TSHZ2: variants seen among roughly 807,000 people sequenced by gnomAD.
TSHZ2 encodes teashirt homolog 2.
TSHZ2 carries 21 observed loss-of-function variants against 74.4 expected under a neutral mutation model. The observed-to-expected ratio is 0.28, with a 90% CI of 0.20 to 0.41. The LOEUF is 0.41. TSHZ2 is among the 10% of genes least tolerant of loss of function. The pLI, the probability that TSHZ2 is intolerant of heterozygous loss-of-function variation, is 1.00. For missense variants in TSHZ2, 1,244 were observed against 1,293.5 expected (o/e 0.96, Z 0.59); for synonymous variants, 540 against 515.3 (o/e 1.05, Z -0.65).
At chr20:53,076,150 C>T (rs982344665) in intron 1 of TSHZ2, among the ~76,000 whole-genome samples, 2 of 152,128 alleles carry the variant, frequency 1.3e-5, no homozygotes, top group African/African-American at 4.8e-5. Context: ...ATTAATCTGG[C>T]AGTAGTTTAC....
Position 53,480,070 on chromosome 20 carries a change from T to TTG in TSHZ2, c.*9-7073_*9-7072insGT, listed in dbSNP as rs1491388965. Among the ~76,000 whole-genome samples the TTG allele has an allele frequency of 7.6e-4, 8 of 10,532 alleles. No homozygotes were observed. In the African/African-American group the frequency reaches 0.02, roughly 27 times the overall value. The allele number at this position is 10,532 out of a possible 152,430, so 6.9% of individuals were successfully genotyped here. On this transcript the variant is annotated intron_variant, in intron 2 of 2. Coordinates refer to ENST00000371497, the MANE Select transcript of TSHZ2 (RefSeq NM_173485.6). ...ATGGACAACATAACCCAGGTTTTTG[T>TTG]TTTTTTTTTTTTTTTGAGATGGAGT...
intron 1 of TSHZ2, among the ~76,000 whole-genome samples, chr20:53,000,636 G>A (rs574769986): frequency 1.3e-5 from 2 of 152,266 alleles, no homozygotes; most frequent in African/African-American, 4.8e-5. Context: ...ATAGAAATGG[G>A]ATAAACACTG....
At chr20:53,293,909 G>A (rs575331682) in intron 2 of TSHZ2, among the ~76,000 whole-genome samples, 11 of 151,940 alleles carry the variant, frequency 7.2e-5, no homozygotes, top group Non-Finnish European at 1.6e-4. Context: ...CCAGCTACTC[G>A]GGAGGCTGAG....
At chr20:53,262,355 C>T (rs1196504227) in intron 2 of TSHZ2, among the ~76,000 whole-genome samples, 1 of 152,122 alleles carries the variant, frequency 6.6e-6, no homozygotes, top group Non-Finnish European at 1.5e-5. Context: ...TTGACACTAA[C>T]TTGCCCTCTA....
At chr20:53,029,006 A>T (rs1003661969) in intron 1 of TSHZ2, among the ~76,000 whole-genome samples, 1 of 152,206 alleles carries the variant, frequency 6.6e-6, no homozygotes, top group African/African-American at 2.4e-5. Context: ...ATGCTTTTCT[A>T]ATTGGATACT....
At chr20:52,974,832 T>A (rs2122852501) in intron 1 of TSHZ2, among the ~76,000 whole-genome samples, 1 of 152,326 alleles carries the variant, frequency 6.6e-6, no homozygotes, top group South Asian at 2.1e-4. Context: ...GTAAGTTGGT[T>A]CAAGTGGCAT....
intron 1 of TSHZ2, among the ~76,000 whole-genome samples, chr20:53,106,870 G>A (rs1600693379): frequency 6.6e-6 from 1 of 151,788 alleles, no homozygotes; most frequent in East Asian, 1.9e-4. Context: ...GCTAATTTTT[G>A]TATTTTTAGT....
intron 1 of TSHZ2, among the ~76,000 whole-genome samples, chr20:52,990,350 G>A (rs529598895): frequency 1.3e-5 from 2 of 151,842 alleles, no homozygotes; most frequent in South Asian, 4.2e-4. Context: ...GCACATAGTA[G>A]GCACTTGAAA....
intron 1 of TSHZ2, among the ~76,000 whole-genome samples, chr20:53,195,735 T>C (rs1658412711): frequency 6.6e-6 from 1 of 152,172 alleles, no homozygotes; most frequent in Non-Finnish European, 1.5e-5. Flanking sequence ...AAGGATCTTT[T>C]CAAACTTTAA....
chr20:53,113,310 C>T (rs1986583426), intron 1 of TSHZ2, among the ~76,000 whole-genome samples: 1 of 152,140 alleles, frequency 6.6e-6, no homozygotes, highest in South Asian at 2.1e-4. Context: ...TCTTCTCTTT[C>T]TTTCTAGAAT....
chr20:53,372,033 G>T (rs911472369), intron 2 of TSHZ2, among the ~76,000 whole-genome samples: 7 of 152,092 alleles, frequency 4.6e-5, no homozygotes, highest in African/African-American at 1.7e-4. Context: ...CTCCTTCTCT[G>T]TGTTTCTGTG....
At chr20:52,976,174 A>C (rs2122859029) in intron 1 of TSHZ2, among the ~76,000 whole-genome samples, 1 of 152,348 alleles carries the variant, frequency 6.6e-6, no homozygotes, top group East Asian at 1.9e-4. Context: ...CAGAATAAAC[A>C]AGATGATATT....
chr20:53,089,810 C>T (rs1279095027), intron 1 of TSHZ2, among the ~76,000 whole-genome samples: 1 of 152,208 alleles, frequency 6.6e-6, no homozygotes, highest in Non-Finnish European at 1.5e-5. Context: ...TGCCCAGACC[C>T]TACTGAGGAA....
intron 2 of TSHZ2, among the ~76,000 whole-genome samples, chr20:53,459,049 G>A (rs183778072): frequency 6.6e-6 from 1 of 152,260 alleles, no homozygotes; most frequent in Admixed American, 6.5e-5. Flanking sequence ...GTTGATTTGG[G>A]GTGGAGAGTC....
intron 1 of TSHZ2, among the ~76,000 whole-genome samples, chr20:52,987,455 C>T (rs568732188): frequency 1.3e-5 from 2 of 150,752 alleles, no homozygotes; most frequent in East Asian, 3.9e-4. Flanking sequence ...CTCTTTCTCT[C>T]TCCTCTCTCT....
intron 2 of TSHZ2, among the ~76,000 whole-genome samples, chr20:53,306,459 G>T (rs1373133334): frequency 1.3e-5 from 2 of 152,130 alleles, no homozygotes; most frequent in Non-Finnish European, 2.9e-5. Flanking sequence ...TAGCCACCCA[G>T]TAGCTATAGC....
intron 1 of TSHZ2, among the ~76,000 whole-genome samples, chr20:53,000,905 G>A (rs577282736): frequency 6.6e-6 from 1 of 152,230 alleles, no homozygotes; most frequent in East Asian, 1.9e-4. Flanking sequence ...TATAGCTCAA[G>A]GCACAGTCTT....
At chr20:53,332,956 T>G (rs540469386) in intron 2 of TSHZ2, among the ~76,000 whole-genome samples, 1 of 152,328 alleles carries the variant, frequency 6.6e-6, no homozygotes, top group African/African-American at 2.4e-5. Context: ...AGATCCTTCC[T>G]TCTTTCAGCT....
intron 2 of TSHZ2, among the ~76,000 whole-genome samples, chr20:53,336,555 T>C (rs1435438664): frequency 6.6e-6 from 1 of 152,212 alleles, no homozygotes; most frequent in Non-Finnish European, 1.5e-5. Flanking sequence ...GGATGGAGCA[T>C]CCAAGCTGGT....
Sources: gnomAD v4.1 joint callset for allele counts (sites outside exome capture counted in the v4.1 genomes callset) on GRCh38, gnomAD v4.1.1 for gene constraint, MANE v1.5 for transcripts, NCBI Gene and HGNC (gene_info 2026-07-23, HGNC 2026-07-21) for gene names.